SETD3: variants seen among roughly 807,000 people sequenced by gnomAD.
SETD3 encodes SET domain containing 3, actin N3(tau)-histidine methyltransferase.
SETD3 carries 19 observed loss-of-function variants against 63.0 expected under a neutral mutation model. That is an observed-to-expected ratio of 0.30 (90% CI 0.21 to 0.44). The LOEUF (loss-of-function observed/expected upper bound fraction) is 0.44. SETD3 is among the 20% of genes least tolerant of loss of function. SETD3 has a pLI of 1.00. For synonymous variants in SETD3, 286 were observed against 264.1 expected (o/e 1.08, Z -0.80); for missense variants, 587 against 728.5 (o/e 0.81, Z 2.24).
intron 3 of SETD3, among the ~76,000 whole-genome samples, chr14:99,461,827 C>A (rs1330464650): frequency 6.6e-6 from 1 of 152,192 alleles, no homozygotes; most frequent in Non-Finnish European, 1.5e-5. Context: ...AACTGTAGAG[C>A]TGTAAGCCAG....
intron 1 of SETD3, among the ~76,000 whole-genome samples, chr14:99,480,313 C>G (rs1246992519): frequency 6.6e-6 from 1 of 152,032 alleles, no homozygotes; most frequent in African/African-American, 2.4e-5. Context: ...CGCGAGGGGC[C>G]CGGGCCCCAC....
At chr14:99,429,837 G>A (rs968042567) in intron 6 of SETD3, among the ~76,000 whole-genome samples, 1 of 152,142 alleles carries the variant, frequency 6.6e-6, no homozygotes, top group African/African-American at 2.4e-5. Flanking sequence ...TAATTTTAAG[G>A]CCTCCATAAG....
At chr14:99,439,775 AATGT>A (rs1006068354) in intron 6 of SETD3, among the ~76,000 whole-genome samples, 2 of 149,834 alleles carry the variant, frequency 1.3e-5, no homozygotes, top group Non-Finnish European at 3.0e-5. Flanking sequence ...TATACACATA[AATGT>A]ATGTATTTAT....
chr14:99,448,717 C>G (rs1171152608), intron 6 of SETD3, among the ~76,000 whole-genome samples: 1 of 152,182 alleles, frequency 6.6e-6, no homozygotes, highest in Non-Finnish European at 1.5e-5. Context: ...ACCCCTCAGT[C>G]AGCAGATGCA....
chr14:99,436,364 G>A (rs1893483336), intron 6 of SETD3, among the ~76,000 whole-genome samples: 1 of 152,106 alleles, frequency 6.6e-6, no homozygotes, highest in Non-Finnish European at 1.5e-5. Flanking sequence ...TTCCTTCTCA[G>A]TTTTCCATCA....
chr14:99,470,684 G>C (rs780026095), intron 1 of SETD3, among the ~76,000 whole-genome samples: 1 of 152,164 alleles, frequency 6.6e-6, no homozygotes, highest in Non-Finnish European at 1.5e-5. Context: ...GAAGGCAAGT[G>C]TTTCTCGGTA....
chr14:99,425,349 T>C (rs1404922959), intron 6 of SETD3, among the ~76,000 whole-genome samples: 5 of 152,202 alleles, frequency 3.3e-5, no homozygotes, highest in Admixed American at 2.6e-4. Flanking sequence ...GTTAGGCGCA[T>C]GCAAGAACAC....
At chr14:99,479,105 C>A (rs1896125407) in intron 1 of SETD3, among the ~76,000 whole-genome samples, 1 of 152,186 alleles carries the variant, frequency 6.6e-6, no homozygotes, top group African/African-American at 2.4e-5. Context: ...AAAAAAAGCA[C>A]TGAGATGTTA....
chr14:99,455,610 G>A (rs1894713376), intron 6 of SETD3, among the ~76,000 whole-genome samples: 1 of 152,176 alleles, frequency 6.6e-6, no homozygotes, highest in African/African-American at 2.4e-5. Context: ...AGAAAATGGT[G>A]AAAGTCACTC....
At chr14:99,410,276 A>T (rs749554264) in intron 8 of SETD3, 8 of 1,611,652 alleles carry the variant, frequency 5.0e-6, no homozygotes, top group Non-Finnish European at 6.8e-6. Context: ...GTGTGGGGGG[A>T]CAGGTTGTTC....
chr14:99,465,855 A>G (rs1193519777), intron 1 of SETD3, 42 bp from the exon 2 acceptor site: 29 of 1,351,230 alleles, frequency 2.1e-5, no homozygotes, highest in Non-Finnish European at 2.9e-5. Flanking sequence ...TTACATTACC[A>G]AAGAACAAAA....
chr14:99,403,079 C>T (rs985310640), intron 11 of SETD3, among the ~76,000 whole-genome samples: 1 of 152,202 alleles, frequency 6.6e-6, no homozygotes, highest in Non-Finnish European at 1.5e-5. Flanking sequence ...AATCTAGCGA[C>T]AGGGTTGCTT....
upstream of SETD3, among the ~76,000 whole-genome samples, chr14:99,485,230 CAATT>C (rs1896454186): frequency 6.6e-6 from 1 of 152,184 alleles, no homozygotes; most frequent in Non-Finnish European, 1.5e-5. Flanking sequence ...GAAGGTAAAA[CAATT>C]GAATATACTT....
chr14:99,474,630 C>T (rs764152683), intron 1 of SETD3, among the ~76,000 whole-genome samples: 4 of 152,166 alleles, frequency 2.6e-5, no homozygotes, highest in South Asian at 2.1e-4. Flanking sequence ...TTTGGGAGGC[C>T]GAGGCGGACG....
chr14:99,399,895 C>T (rs1001687683), intron 12 of SETD3, among the ~76,000 whole-genome samples: 9 of 151,858 alleles, frequency 5.9e-5, no homozygotes, highest in Admixed American at 2.0e-4. Context: ...GGATTACAGA[C>T]CACACCCAGC....
Position 99,459,059 on chromosome 14 carries a change from T to C in SETD3, c.418+54A>G, listed in dbSNP as rs190716250. On this transcript the variant is annotated intron_variant, in intron 5 of 12. Transcript: ENST00000331768. ...ATCCTTAGTGCCATAAAATGGAATT[T>C]TACATATTTTTGTCATTTGTGCTTT... is the stretch of plus-strand genomic sequence containing the variant. The C allele has an allele frequency of 1.0e-3, 1,397 of 1,362,586 alleles. 28 individuals carry two copies. In the Admixed American group the frequency reaches 0.027, roughly 26 times the overall value. 84.4% of individuals were successfully genotyped at this position (1,362,586 alleles called of 1,614,324 possible).
At chr14:99,452,578 TA>T (rs1385893425) in intron 6 of SETD3, among the ~76,000 whole-genome samples, 4 of 152,062 alleles carry the variant, frequency 2.6e-5, no homozygotes, top group African/African-American at 9.7e-5. Flanking sequence ...AAACAATAAA[TA>T]AAAAATGCAA....
chr14:99,483,892 T>G (rs1410618866), upstream of SETD3, among the ~76,000 whole-genome samples: 1 of 152,240 alleles, frequency 6.6e-6, no homozygotes, highest in Non-Finnish European at 1.5e-5. Flanking sequence ...GCAGCGTGAT[T>G]CTCAAGTTAA....
chr14:99,469,609 G>A (rs1192095950), intron 1 of SETD3, among the ~76,000 whole-genome samples: 1 of 152,200 alleles, frequency 6.6e-6, no homozygotes, highest in African/African-American at 2.4e-5. Flanking sequence ...GCTGGGCACC[G>A]TGGCGCAAGC....
Sources: allele counts gnomAD v4.1 joint callset (sites outside exome capture counted in the v4.1 genomes callset), GRCh38; gene constraint gnomAD v4.1.1; transcripts MANE v1.5; gene names NCBI Gene and HGNC (gene_info 2026-07-23, HGNC 2026-07-21).